The following CSMD1 variants were observed in gnomAD, a reference collection of about 807,000 sequenced individuals.
CSMD1 encodes the protein CUB and Sushi multiple domains 1.
A neutral mutation model predicts 417.5 loss-of-function variants in CSMD1; 213 were observed. The ratio of observed to expected loss-of-function variants is 0.51; its 90% confidence interval spans 0.46 to 0.57. The LOEUF is 0.57. CSMD1 is among the 20% of genes least tolerant of loss of function. The pLI is 0.00. For synonymous variants in CSMD1, 2,862 were observed against 1,736.8 expected, an observed-to-expected ratio of 1.65 and a Z score of -16.11; for missense variants, 6,923 against 4,529.7, an observed-to-expected ratio of 1.53 and a Z score of -15.17.
At chr8:3,778,161 T>G (rs185716636) in intron 5 of CSMD1, among the ~76,000 whole-genome samples, 1 of 152,214 alleles carries the variant, frequency 6.6e-6, no homozygotes, top group Non-Finnish European at 1.5e-5. Flanking sequence ...TGTGTCAGGA[T>G]AGATTAGAGG....
At chr8:3,992,396 A>C (rs956114329) in intron 5 of CSMD1, among the ~76,000 whole-genome samples, 5 of 152,120 alleles carry the variant, frequency 3.3e-5, no homozygotes, top group African/African-American at 9.7e-5. Context: ...AATCAATCTA[A>C]TCAGTGATTG....
At chr8:3,854,254 C>T (rs1043750696) in intron 5 of CSMD1, among the ~76,000 whole-genome samples, 1 of 150,350 alleles carries the variant, frequency 6.7e-6, no homozygotes, top group African/African-American at 2.4e-5. Flanking sequence ...AGGAGTAATA[C>T]ATTTAACTCC....
At chr8:4,164,260 T>TA (rs1294660914) in intron 3 of CSMD1, among the ~76,000 whole-genome samples, 1 of 152,128 alleles carries the variant, frequency 6.6e-6, no homozygotes, top group East Asian at 1.9e-4. Flanking sequence ...AAAATGATGT[T>TA]AAAAAAGATT....
intron 2 of CSMD1, among the ~76,000 whole-genome samples, chr8:4,492,121 G>A (rs1192143820): frequency 6.6e-6 from 1 of 152,132 alleles, no homozygotes; most frequent in African/African-American, 2.4e-5. Context: ...TTTAGATACA[G>A]GGTCTTACGC....
At chr8:4,352,459 A>G (rs1801153664) in intron 3 of CSMD1, among the ~76,000 whole-genome samples, 1 of 152,236 alleles carries the variant, frequency 6.6e-6, no homozygotes, top group African/African-American at 2.4e-5. Context: ...AAAGAATAGA[A>G]AGTGGAAATA....
chr8:4,305,924 CCTTT>C, intron 3 of CSMD1, among the ~76,000 whole-genome samples: 1 of 152,092 alleles, frequency 6.6e-6, no homozygotes, highest in East Asian at 1.9e-4. Context: ...CATTCTATAA[CCTTT>C]ATTTAATAAA....
At chr8:4,068,328 G>T (rs574212938) in intron 3 of CSMD1, among the ~76,000 whole-genome samples, 1 of 152,176 alleles carries the variant, frequency 6.6e-6, no homozygotes. Flanking sequence ...TGTGAGGCCA[G>T]CATGAGAGTG....
chr8:3,677,431 C>G (rs1346100981), intron 7 of CSMD1, among the ~76,000 whole-genome samples: 1 of 152,130 alleles, frequency 6.6e-6, no homozygotes, highest in Non-Finnish European at 1.5e-5. Flanking sequence ...AAACCTGATC[C>G]CACAGTACAG....
chr8:3,882,523 A>G (rs1585135099), intron 5 of CSMD1, among the ~76,000 whole-genome samples: 1 of 152,200 alleles, frequency 6.6e-6, no homozygotes, highest in East Asian at 1.9e-4. Context: ...GAGCACATGC[A>G]TACACTGTGA....
intron 3 of CSMD1, among the ~76,000 whole-genome samples, chr8:4,172,479 C>A (rs1202331733): frequency 6.6e-6 from 1 of 151,924 alleles, no homozygotes; most frequent in East Asian, 1.9e-4. Flanking sequence ...ATCTTATTCA[C>A]ATGACAATTA....
chr8:4,033,228 C>G (rs994297040), intron 3 of CSMD1, among the ~76,000 whole-genome samples: 3 of 149,824 alleles, frequency 2.0e-5, no homozygotes, highest in Non-Finnish European at 4.4e-5. Context: ...ATCGTGAGGT[C>G]AAGAGATCGA....
chr8:4,103,608 G>A (rs1050129445), intron 3 of CSMD1, among the ~76,000 whole-genome samples: 1 of 152,044 alleles, frequency 6.6e-6, no homozygotes, highest in Non-Finnish European at 1.5e-5. Flanking sequence ...ATATTTTCAT[G>A]TAAACACTTG....
intron 38 of CSMD1, among the ~76,000 whole-genome samples, chr8:3,160,946 C>T (rs961143318): frequency 2.0e-5 from 3 of 152,194 alleles, no homozygotes; most frequent in Non-Finnish European, 4.4e-5. Flanking sequence ...CTGAATTCCA[C>T]ACAGTGCTGT....
intron 2 of CSMD1, among the ~76,000 whole-genome samples, chr8:4,429,833 G>T (rs1797770347): frequency 6.6e-6 from 1 of 152,102 alleles, no homozygotes. Context: ...CATTGGCTCG[G>T]GAAGAAATCC....
intron 3 of CSMD1, among the ~76,000 whole-genome samples, chr8:4,092,486 A>G (rs7815908): frequency 0.22 from 33,685 of 152,154 alleles, 4,603 homozygotes; most frequent in African/African-American, 0.38. Context: ...ATAATTAAGC[A>G]TATTGTCTTT....
chr8:4,084,831 T>C (rs1182756546), intron 3 of CSMD1, among the ~76,000 whole-genome samples: 1 of 146,812 alleles, frequency 6.8e-6, no homozygotes, highest in Non-Finnish European at 1.5e-5. Flanking sequence ...AAGACAGCTC[T>C]GTTCCATCTT....
intron 3 of CSMD1, among the ~76,000 whole-genome samples, chr8:4,109,985 G>C (rs1445983360): frequency 1.3e-5 from 2 of 152,092 alleles, no homozygotes; most frequent in Non-Finnish European, 2.9e-5. Context: ...GGACTAACTA[G>C]AACCACAGAA....
intron 14 of CSMD1, among the ~76,000 whole-genome samples, chr8:3,407,642 G>C (rs1812438144): frequency 6.6e-6 from 1 of 152,120 alleles, no homozygotes; most frequent in Admixed American, 6.5e-5. Context: ...CGGAGAGAAA[G>C]AGATGTAAGG....
chr8:4,886,684 T>G (rs1355885476), intron 1 of CSMD1, among the ~76,000 whole-genome samples: 1 of 152,096 alleles, frequency 6.6e-6, no homozygotes, highest in Non-Finnish European at 1.5e-5. Context: ...ATATCACAGA[T>G]TCATTCAGAT....
Sources: allele counts gnomAD v4.1 joint callset (sites outside exome capture counted in the v4.1 genomes callset), GRCh38; gene constraint gnomAD v4.1.1; transcripts MANE v1.5; gene names NCBI Gene and HGNC (gene_info 2026-07-23, HGNC 2026-07-21).